The following SNTG1 variants were observed in gnomAD, a reference collection of about 807,000 sequenced individuals.
SNTG1 encodes gamma-1-syntrophin.
SNTG1 carries 39 observed loss-of-function variants against 74.7 expected under a neutral mutation model. That is an observed-to-expected ratio of 0.52 (90% CI 0.40 to 0.68). The LOEUF is 0.68. Among genes scored for constraint, SNTG1 ranks in the 30% least tolerant of loss-of-function variants. The probability of loss-of-function intolerance (pLI) is 0.00; values close to 1 mark genes in which losing one functional copy is unlikely to be tolerated. For synonymous variants in SNTG1, 254 were observed against 217.1 expected, an observed-to-expected ratio of 1.17 and a Z score of -1.49; for missense variants, 685 against 609.5, an observed-to-expected ratio of 1.12 and a Z score of -1.30.
intron 17 of SNTG1, among the ~76,000 whole-genome samples, chr8:50,718,732 T>C (rs1347956501): frequency 6.6e-6 from 1 of 152,260 alleles, no homozygotes; most frequent in Non-Finnish European, 1.5e-5. Context: ...GCCCGGTCCA[T>C]AGAATTTGCA....
chr8:50,606,955 T>C (rs535775926), intron 13 of SNTG1, among the ~76,000 whole-genome samples: 51 of 152,040 alleles, frequency 3.4e-4, no homozygotes, highest in African/African-American at 1.2e-3. Context: ...ATCCTTTTTA[T>C]TTATTGTTGG....
At chr8:50,118,997 C>T (rs975285516) in intron 1 of SNTG1, among the ~76,000 whole-genome samples, 1 of 140,592 alleles carries the variant, frequency 7.1e-6, no homozygotes, top group African/African-American at 2.6e-5. Context: ...GATGCACTGG[C>T]TCACAGAAAC....
intron 13 of SNTG1, among the ~76,000 whole-genome samples, chr8:50,619,709 C>T (rs1440739431): frequency 2.2e-5 from 3 of 138,700 alleles, no homozygotes; most frequent in Admixed American, 7.9e-5. Context: ...GCAGCCTGGG[C>T]GACAGAGCGA....
chr8:50,263,380 A>G (rs527323855), intron 2 of SNTG1, among the ~76,000 whole-genome samples: 1 of 152,208 alleles, frequency 6.6e-6, no homozygotes, highest in Non-Finnish European at 1.5e-5. Flanking sequence ...ATCTAACCAT[A>G]TTAGTAATGT....
At chr8:49,918,838 TTTC>T (rs1442021767) in intron 1 of SNTG1, among the ~76,000 whole-genome samples, 3 of 152,168 alleles carry the variant, frequency 2.0e-5, no homozygotes, top group Non-Finnish European at 2.9e-5. Flanking sequence ...TATATTTTAA[TTTC>T]TTTTTTTGCT....
intron 13 of SNTG1, among the ~76,000 whole-genome samples, chr8:50,638,334 AC>A (rs1331540649): frequency 3.3e-5 from 5 of 152,116 alleles, no homozygotes; most frequent in African/African-American, 1.2e-4. Context: ...TTTTACAACC[AC>A]AATAGGAAAT....
At chr8:50,567,416 A>G (rs7000881) in intron 12 of SNTG1, among the ~76,000 whole-genome samples, 14,446 of 152,114 alleles carry the variant, frequency 0.095, 884 homozygotes, top group African/African-American at 0.17. Flanking sequence ...TCTTCCCTAT[A>G]TACCCTATAT....
At chr8:50,154,195 C>G (rs776144877) in intron 1 of SNTG1, among the ~76,000 whole-genome samples, 1 of 152,122 alleles carries the variant, frequency 6.6e-6, no homozygotes, top group Admixed American at 6.6e-5. Context: ...TCATACAGCC[C>G]GGTACCCCTC....
intron 13 of SNTG1, among the ~76,000 whole-genome samples, chr8:50,598,292 T>C (rs929169934): frequency 3.9e-5 from 6 of 151,948 alleles, no homozygotes; most frequent in Non-Finnish European, 8.8e-5. Flanking sequence ...AGGGGTCTAG[T>C]TTCATTTTTC....
At chr8:50,511,709 T>G (rs559969030) in intron 9 of SNTG1, among the ~76,000 whole-genome samples, 120 of 152,318 alleles carry the variant, frequency 7.9e-4, no homozygotes, top group Non-Finnish European at 1.4e-3. Flanking sequence ...TGGTTTAAAG[T>G]CTGTTTTATC....
At chr8:50,171,592 T>C (rs1000452256) in intron 1 of SNTG1, among the ~76,000 whole-genome samples, 12 of 152,156 alleles carry the variant, frequency 7.9e-5, no homozygotes, top group African/African-American at 2.9e-4. Flanking sequence ...CCAGGTTCAA[T>C]ACTTTGCATC....
intron 18 of SNTG1, among the ~76,000 whole-genome samples, chr8:50,754,023 C>T (rs1357504282): frequency 3.3e-5 from 5 of 151,942 alleles, no homozygotes; most frequent in Non-Finnish European, 5.9e-5. Context: ...ATCACCTGAA[C>T]ATTACCTCTG....
intron 2 of SNTG1, among the ~76,000 whole-genome samples, chr8:50,344,333 T>C (rs2091408920): frequency 6.6e-6 from 1 of 152,222 alleles, no homozygotes; most frequent in African/African-American, 2.4e-5. Flanking sequence ...GATCTCCAGC[T>C]GGAGCAAGGC....
Position 50,672,200 on chromosome 8 carries a change from T to TA in SNTG1, c.1038+13546dup, listed in dbSNP as rs557625033. 9.6e-3 allele frequency among the ~76,000 whole-genome samples: 1,428 copies of TA among 148,210 alleles called. 10 individuals carry two copies. Among genetic ancestry groups the TA allele is most frequent in the Non-Finnish European group, 0.014 (924 of 65,910 alleles). ...CCTAAAACTTAAAGTATAATAATAA[T>TA]AAAAAAAAATGTCTGGATCAAATGG... On this transcript the variant is annotated intron_variant, in intron 15 of 18. Coordinates refer to ENST00000642720, the MANE Select transcript of SNTG1 (RefSeq NM_018967.5).
At chr8:50,230,688 G>C (rs926264126) in intron 2 of SNTG1, among the ~76,000 whole-genome samples, 1 of 151,136 alleles carries the variant, frequency 6.6e-6, no homozygotes, top group Admixed American at 6.6e-5. Flanking sequence ...GAGAAAACAG[G>C]ATATCCACAT....
intron 17 of SNTG1, among the ~76,000 whole-genome samples, chr8:50,726,165 C>G (rs1040159583): frequency 1.3e-5 from 2 of 152,190 alleles, no homozygotes. Context: ...AGGAACTCCT[C>G]ATTGCATTAA....
chr8:50,454,829 T>TAAAAAAAAAAAAAAAAAAAAAA lies in SNTG1; in HGVS notation c.363+4101_363+4122dup, dbSNP rs1158732952. 3.5e-4 allele frequency among the ~76,000 whole-genome samples: 33 copies of TAAAAAAAAAAAAAAAAAAAAAA among 95,150 alleles called. 3 individuals are homozygous for TAAAAAAAAAAAAAAAAAAAAAA. The highest frequency in any genetic ancestry group is 1.3e-3 in the African/African-American group (29 of 23,012). 62.4% of individuals were successfully genotyped at this position (95,150 alleles called of 152,430 possible). On this transcript the variant is annotated intron_variant, in intron 8 of 18. Coordinates refer to ENST00000642720, the MANE Select transcript of SNTG1 (RefSeq NM_018967.5). Reference sequence around the variant, plus strand: ...TGCACTCCAGCCTGTCAGACAGAGCTAAAAAAAAAAAAAAAAAAAAAAGAA... The same window carrying TAAAAAAAAAAAAAAAAAAAAAA: ...TGCACTCCAGCCTGTCAGACAGAGCTAAAAAAAAAAAAAAAAAAAAAAAAAAAAAAAAAAAAAAAAAAAAGAA...
intron 2 of SNTG1, among the ~76,000 whole-genome samples, chr8:50,289,888 C>T (rs1214897365): frequency 2.0e-5 from 3 of 152,094 alleles, no homozygotes; most frequent in African/African-American, 7.2e-5. Context: ...CCTTTTATAG[C>T]AAGGGAATGC....
At chr8:50,241,951 T>G (rs1480585523) in intron 2 of SNTG1, among the ~76,000 whole-genome samples, 1 of 151,904 alleles carries the variant, frequency 6.6e-6, no homozygotes, top group Admixed American at 6.6e-5. Flanking sequence ...TAAACCTCAC[T>G]TCTGGAGTGA....
Sources: gnomAD v4.1 joint callset for allele counts (sites outside exome capture counted in the v4.1 genomes callset) on GRCh38, gnomAD v4.1.1 for gene constraint, MANE v1.5 for transcripts, NCBI Gene and HGNC (gene_info 2026-07-23, HGNC 2026-07-21) for gene names.